POLA1: variants seen among roughly 807,000 people sequenced by gnomAD.
The protein encoded by POLA1 is DNA polymerase alpha 1, catalytic subunit, also known as DNA polymerase alpha catalytic subunit.
Under a neutral mutation model 124.0 loss-of-function variants are expected in POLA1, and 15 were observed. The ratio of observed to expected loss-of-function variants is 0.12; its 90% CI spans 0.08 to 0.19. POLA1 has a LOEUF of 0.19. POLA1 is among the 10% of genes least tolerant of loss of function. POLA1 has a pLI of 1.00. For synonymous variants in POLA1, 408 were observed against 389.4 expected, an observed-to-expected ratio of 1.05 and a Z score of -0.56; for missense variants, 886 against 1,103.4, an observed-to-expected ratio of 0.80 and a Z score of 2.79.
intron 34 of POLA1, among the ~76,000 whole-genome samples, chrX:24,877,626 C>T (rs981193533): frequency 2.7e-5 from 3 of 111,950 alleles, no homozygotes; most frequent in Non-Finnish European, 5.6e-5. Context: ...GCGTTTGCCA[C>T]AGGGTTTTGG....
At chrX:24,859,413 C>T (rs1165551490) in intron 34 of POLA1, among the ~76,000 whole-genome samples, 1 of 111,581 alleles carries the variant, frequency 9.0e-6, no homozygotes, top group Non-Finnish European at 1.9e-5. Flanking sequence ...ACTATCTCCA[C>T]ACTTTCACTC....
chrX:24,839,314 G>A (rs2046381113), intron 32 of POLA1, among the ~76,000 whole-genome samples: 1 of 111,992 alleles, frequency 8.9e-6, no homozygotes, highest in Non-Finnish European at 1.9e-5. Context: ...ATCACCTTGG[G>A]AATAAATCTG....
At chrX:24,928,198 T>C (rs908063363) in intron 35 of POLA1, among the ~76,000 whole-genome samples, 1 of 111,888 alleles carries the variant, frequency 8.9e-6, no homozygotes, top group Non-Finnish European at 1.9e-5. Context: ...CCTATTTTCC[T>C]TATCCATTTA....
At chrX:24,943,018 T>TCACTCTC (rs925184920) in intron 36 of POLA1, among the ~76,000 whole-genome samples, 5 of 112,365 alleles carry the variant, frequency 4.4e-5, no homozygotes, top group Admixed American at 9.4e-5. Context: ...TATTCTCTCT[T>TCACTCTC]CACTCTCCAC....
At chrX:24,723,521 C>A (rs1930333649) in intron 11 of POLA1, among the ~76,000 whole-genome samples, 2 of 111,908 alleles carry the variant, frequency 1.8e-5, no homozygotes, top group Admixed American at 1.9e-4. Flanking sequence ...GTATATAATG[C>A]TTTCTTTCTC....
At chrX:24,866,681 G>A (rs1428961313) in intron 34 of POLA1, among the ~76,000 whole-genome samples, 1 of 111,867 alleles carries the variant, frequency 8.9e-6, no homozygotes, top group Non-Finnish European at 1.9e-5. Context: ...AAAAGAAAAA[G>A]TGATCATGCT....
intron 26 of POLA1, among the ~76,000 whole-genome samples, chrX:24,793,510 T>C (rs1286325980): frequency 9.0e-6 from 1 of 111,620 alleles, no homozygotes; most frequent in East Asian, 2.8e-4. Context: ...TGGGCAATTA[T>C]AGTGAAATCA....
chrX:24,966,348 AG>A (rs1480244028), intron 36 of POLA1, among the ~76,000 whole-genome samples: 8 of 111,632 alleles, frequency 7.2e-5, no homozygotes, highest in African/African-American at 2.6e-4. Flanking sequence ...GAGGGGGAAC[AG>A]GAAAAATTCC....
chrX:24,810,002 T>C, intron 27 of POLA1, 72 bp downstream of exon 27: 2 of 647,145 alleles, frequency 3.1e-6, no homozygotes, highest in African/African-American at 2.2e-5. Context: ...TCAAGGAAAA[T>C]TGTAACCCAA....
chrX:24,828,919 T>A (rs1438111153), intron 32 of POLA1, among the ~76,000 whole-genome samples: 1 of 111,995 alleles, frequency 8.9e-6, no homozygotes, highest in Non-Finnish European at 1.9e-5. Context: ...ATGATTTTTG[T>A]TTATAAATTG....
chrX:24,829,286 G>T (rs1249455534), intron 32 of POLA1, among the ~76,000 whole-genome samples: 6 of 111,591 alleles, frequency 5.4e-5, no homozygotes, highest in Admixed American at 1.9e-4. Context: ...TGAGGGATCT[G>T]CAACTGCTCC....
intron 36 of POLA1, among the ~76,000 whole-genome samples, chrX:24,989,621 C>T (rs2048513570): frequency 9.0e-6 from 1 of 111,019 alleles, no homozygotes; most frequent in African/African-American, 3.3e-5. Flanking sequence ...TTTCTCATGA[C>T]TTCATGTGTA....
chrX:24,855,251 G>A (rs1373512470), intron 34 of POLA1, among the ~76,000 whole-genome samples: 6 of 111,360 alleles, frequency 5.4e-5, no homozygotes, highest in Admixed American at 1.9e-4. Flanking sequence ...TGTTACTTTT[G>A]GGGGGAGGGG....
chrX:24,724,557 C>T (rs11573344), intron 12 of POLA1, 106 bp downstream of exon 12: 6,428 of 437,711 alleles, frequency 0.015, 295 homozygotes, highest in African/African-American at 0.14. Flanking sequence ...TTCTGTGCAG[C>T]TATAATTTAT....
At chrX:24,792,031 T>TCATATCTCACC (rs2045509520) in intron 26 of POLA1, among the ~76,000 whole-genome samples, 1 of 112,385 alleles carries the variant, frequency 8.9e-6, no homozygotes, top group African/African-American at 3.2e-5. Flanking sequence ...TGAAATAGAT[T>TCATATCTCACC]CAAATATTGA....
chrX:24,819,217 A>C (rs866013756), intron 30 of POLA1, among the ~76,000 whole-genome samples: 1 of 112,699 alleles, frequency 8.9e-6, no homozygotes, highest in Non-Finnish European at 1.9e-5. Flanking sequence ...GTACAATATC[A>C]AAAATTACGT....
chrX:24,867,246 T>C (rs1243130523), intron 34 of POLA1, among the ~76,000 whole-genome samples: 1 of 111,704 alleles, frequency 9.0e-6, no homozygotes, highest in Non-Finnish European at 1.9e-5. Flanking sequence ...GTGGGTTTTT[T>C]CAATATGTGT....
At chrX:24,969,131 C>G (rs1312511294) in intron 36 of POLA1, among the ~76,000 whole-genome samples, 2 of 109,876 alleles carry the variant, frequency 1.8e-5, no homozygotes, top group African/African-American at 6.7e-5. Context: ...TTGCTTGAAC[C>G]TGGGAGGCGG....
At chrX:24,880,294 T>C (rs2046986181) in intron 34 of POLA1, among the ~76,000 whole-genome samples, 1 of 112,291 alleles carries the variant, frequency 8.9e-6, no homozygotes, top group Non-Finnish European at 1.9e-5. Context: ...TGACTGTTCA[T>C]TTAAAGAGAT....
Sources: allele counts gnomAD v4.1 joint callset (sites outside exome capture counted in the v4.1 genomes callset), GRCh38; gene constraint gnomAD v4.1.1; transcripts MANE v1.5; gene names NCBI Gene and HGNC (gene_info 2026-07-23, HGNC 2026-07-21).